Variants in ARHGAP24 observed in about 807,000 individuals in gnomAD.
ARHGAP24 encodes rho GTPase-activating protein 24.
ARHGAP24 carries 50 observed loss-of-function variants against 76.4 expected under a neutral mutation model. The observed-to-expected ratio is 0.65, with a 90% CI of 0.52 to 0.83. The LOEUF (loss-of-function observed/expected upper bound fraction) is 0.83. ARHGAP24 is among the 40% of genes least tolerant of loss of function. ARHGAP24 has a pLI of 0.00. For synonymous variants in ARHGAP24, 345 were observed against 323.3 expected (o/e 1.07, Z -0.72); for missense variants, 930 against 914.2 (o/e 1.02, Z -0.22).
intron 2 of ARHGAP24, among the ~76,000 whole-genome samples, chr4:85,651,709 TTAAA>T (rs1297736513): frequency 6.6e-6 from 1 of 151,558 alleles, no homozygotes; most frequent in Non-Finnish European, 1.5e-5. Context: ...ATAAGTGCTC[TTAAA>T]TTATTTGCAT....
At chr4:85,877,172 T>C (rs1360128209) in intron 3 of ARHGAP24, among the ~76,000 whole-genome samples, 1 of 152,228 alleles carries the variant, frequency 6.6e-6, no homozygotes, top group Non-Finnish European at 1.5e-5. Flanking sequence ...TTTAGTCTTT[T>C]GTATTCTGTT....
chr4:85,547,867 C>T (rs756606264), intron 1 of ARHGAP24, among the ~76,000 whole-genome samples: 47 of 152,260 alleles, frequency 3.1e-4, no homozygotes, highest in African/African-American at 7.5e-4. Context: ...TTCTGTCAAA[C>T]TTCTACCTAC....
intron 3 of ARHGAP24, among the ~76,000 whole-genome samples, chr4:85,799,580 C>T (rs1463464486): frequency 1.3e-5 from 2 of 152,004 alleles, no homozygotes; most frequent in Admixed American, 6.6e-5. Flanking sequence ...ATAGAAATCA[C>T]TCTAAAAATA....
intron 2 of ARHGAP24, among the ~76,000 whole-genome samples, chr4:85,645,024 G>A (rs1210500327): frequency 6.6e-6 from 1 of 152,018 alleles, no homozygotes; most frequent in East Asian, 1.9e-4. Flanking sequence ...ACTATTAGAA[G>A]CAAAAGAGTA....
intron 3 of ARHGAP24, among the ~76,000 whole-genome samples, chr4:85,819,845 A>T (rs1273976359): frequency 6.7e-6 from 1 of 149,980 alleles, no homozygotes; most frequent in Non-Finnish European, 1.5e-5. Flanking sequence ...ACTTGAACCC[A>T]GGAGGCAGAG....
Position 85,722,030 on chromosome 4 carries a change from G to C in ARHGAP24, c.268+58G>C, listed in dbSNP as rs374274489. On this transcript the variant is annotated intron_variant, in intron 3 of 9. Transcript: ENST00000395184. ...GTCATCCTGTGTTGGTAAAGGTGAAGATGGGTCAGACAGGTTTCATTCTTT... is the reference window on the plus strand; with the variant it reads ...GTCATCCTGTGTTGGTAAAGGTGAACATGGGTCAGACAGGTTTCATTCTTT... The C allele has an allele frequency of 1.5e-4, 221 of 1,466,948 alleles. No homozygotes were observed. The African/African-American group carries it at 2.4e-3, about 16-fold the overall frequency. The allele number at this position is 1,466,948 out of a possible 1,614,324, so 90.9% of individuals were successfully genotyped here. A position where few individuals can be genotyped will look rare whatever the true frequency, so the allele number is the denominator to read the frequency against.
chr4:85,525,888 C>T lies in ARHGAP24; in HGVS notation c.-20-44634C>T, dbSNP rs1272894858. ...CCTTGTTGCTATTTTCTTAGAAGGT[C>T]GCCTTTTACTTTGTTCTCACCCTTT... On this transcript the variant is annotated intron_variant, in intron 1 of 9. Coordinates refer to ENST00000395184, the MANE Select transcript of ARHGAP24 (RefSeq NM_001025616.3). Among the ~76,000 whole-genome samples the T allele has an allele frequency of 5.9e-5, 9 of 152,114 alleles. No individual in the cohort carries two copies. The South Asian group carries it at 1.7e-3, about 28-fold the overall frequency.
intron 3 of ARHGAP24, among the ~76,000 whole-genome samples, chr4:85,789,933 G>A (rs114867567): frequency 1.3e-3 from 200 of 152,170 alleles, no homozygotes; most frequent in African/African-American, 4.2e-3. Flanking sequence ...CATTGCTTAC[G>A]TTTCTGGACT....
At position 85,962,581 on chromosome 4, in the gene ARHGAP24, T is replaced by C. The variant is rs186259601; in HGVS notation, c.600-9455T>C. 5.1e-3 allele frequency among the ~76,000 whole-genome samples: 778 copies of C among 152,196 alleles called. 3 individuals carry two copies. Among genetic ancestry groups the C allele is most frequent in the Non-Finnish European group, 7.4e-3 (506 of 67,954 alleles). On this transcript the variant is annotated intron_variant, in intron 5 of 9. Transcript: ENST00000395184. Reference sequence around the variant, plus strand: ...TGTTGTGTCTCTTACAGTGAGTAGGTTATATCCACCTGAAAATAGGTCACC... The same window carrying C: ...TGTTGTGTCTCTTACAGTGAGTAGGCTATATCCACCTGAAAATAGGTCACC...
At chr4:85,902,174 C>A (rs190603159) in intron 3 of ARHGAP24, among the ~76,000 whole-genome samples, 5 of 149,774 alleles carry the variant, frequency 3.3e-5, no homozygotes, top group Non-Finnish European at 7.4e-5. Flanking sequence ...TTTATGGCTG[C>A]GTATCTGTCA....
chr4:85,543,652 T>G (rs1250757544), intron 1 of ARHGAP24, among the ~76,000 whole-genome samples: 2 of 152,238 alleles, frequency 1.3e-5, no homozygotes, highest in African/African-American at 2.4e-5. Flanking sequence ...AATATGATTA[T>G]TTTTTCTAAT....
At chr4:85,810,166 A>C (rs768837205) in intron 3 of ARHGAP24, among the ~76,000 whole-genome samples, 1 of 152,340 alleles carries the variant, frequency 6.6e-6, no homozygotes, top group East Asian at 1.9e-4. Context: ...CTTGCCTTTC[A>C]TGTAAGTCAA....
At chr4:85,647,999 G>A (rs1048887676) in intron 2 of ARHGAP24, among the ~76,000 whole-genome samples, 2 of 152,060 alleles carry the variant, frequency 1.3e-5, no homozygotes, top group African/African-American at 4.8e-5. Context: ...AAAAATGGTT[G>A]CCATTGTTTG....
intron 2 of ARHGAP24, among the ~76,000 whole-genome samples, chr4:85,594,158 T>G (rs549304051): frequency 6.6e-6 from 1 of 152,220 alleles, no homozygotes; most frequent in Non-Finnish European, 1.5e-5. Flanking sequence ...ATTGTAGAAA[T>G]CTTTCACTTT....
At chr4:85,654,971 A>G (rs6850901) in intron 2 of ARHGAP24, among the ~76,000 whole-genome samples, 4,606 of 152,340 alleles carry the variant, frequency 0.03, 230 homozygotes, top group African/African-American at 0.11. Flanking sequence ...ATACAGAATT[A>G]GCTACAGTTT....
intron 6 of ARHGAP24, among the ~76,000 whole-genome samples, chr4:85,973,229 C>T (rs1025401955): frequency 5.9e-5 from 9 of 151,900 alleles, no homozygotes; most frequent in South Asian, 2.1e-4. Flanking sequence ...CATCCTAACA[C>T]GAGTAAAGTC....
intron 3 of ARHGAP24, among the ~76,000 whole-genome samples, chr4:85,820,680 A>G (rs2110123222): frequency 6.6e-6 from 1 of 152,294 alleles, no homozygotes; most frequent in East Asian, 1.9e-4. Flanking sequence ...TTTAAAAGAG[A>G]CTGAAATACA....
chr4:85,504,803 T>G (rs1723969792), intron 1 of ARHGAP24, among the ~76,000 whole-genome samples: 1 of 152,224 alleles, frequency 6.6e-6, no homozygotes, highest in Non-Finnish European at 1.5e-5. Flanking sequence ...TGATGCAGTT[T>G]CTTCATAGCA....
chr4:85,743,643 T>A (rs1725915950), intron 3 of ARHGAP24, among the ~76,000 whole-genome samples: 1 of 152,064 alleles, frequency 6.6e-6, no homozygotes, highest in Non-Finnish European at 1.5e-5. Context: ...GCAGAACTGT[T>A]GTACCAAAGT....
Sources: gnomAD v4.1 joint callset for allele counts (sites outside exome capture counted in the v4.1 genomes callset) on GRCh38, gnomAD v4.1.1 for gene constraint, MANE v1.5 for transcripts, NCBI Gene and HGNC (gene_info 2026-07-23, HGNC 2026-07-21) for gene names.